The following HDGF variants were observed in gnomAD, a reference collection of about 807,000 sequenced individuals.
HDGF encodes hepatoma-derived growth factor.
HDGF carries 5 observed loss-of-function variants against 30.0 expected under a neutral mutation model. The observed-to-expected ratio is 0.17, with a 90% CI of 0.09 to 0.35. HDGF has a LOEUF of 0.35. Ranked by LOEUF, HDGF falls within the 10% of genes least tolerant of loss-of-function variation. The pLI is 1.00. For missense variants in HDGF, 214 were observed against 302.8 expected, an observed-to-expected ratio of 0.71 and a Z score of 2.18; for synonymous variants, 133 against 112.7, an observed-to-expected ratio of 1.18 and a Z score of -1.14.
intron 1 of HDGF, among the ~76,000 whole-genome samples, chr1:156,759,396 C>T (rs907330406): frequency 6.6e-6 from 1 of 152,130 alleles, no homozygotes; most frequent in African/African-American, 2.4e-5. Flanking sequence ...TTGTGACACA[C>T]CGTATACACT....
intron 1 of HDGF, among the ~76,000 whole-genome samples, chr1:156,763,686 A>G (rs1289649275): frequency 6.7e-6 from 1 of 149,316 alleles, no homozygotes. Context: ...CCCGCATTCA[A>G]GCAATTCTCC....
chr1:156,755,590 A>G (rs988532321), upstream of HDGF: 1 of 152,208 alleles, frequency 6.6e-6, no homozygotes, highest in Non-Finnish European at 1.5e-5. Context: ...TTAACTCCCA[A>G]CGGAGTCGAG....
chr1:156,766,038 G>A (rs1651366574), intron 1 of HDGF, among the ~76,000 whole-genome samples: 1 of 152,170 alleles, frequency 6.6e-6, no homozygotes, highest in Admixed American at 6.5e-5. Context: ...AATCTCTTAG[G>A]CTAGATTTCA....
intron 1 of HDGF, among the ~76,000 whole-genome samples, chr1:156,764,035 G>C (rs1256580517): frequency 1.3e-5 from 2 of 151,518 alleles, no homozygotes; most frequent in African/African-American, 2.4e-5. Context: ...AATGAGGTGG[G>C]ACTACAGGTG....
chr1:156,751,368 T>C lies in HDGF; in HGVS notation c.62A>G (p.Lys21Arg). The part of the protein sequence containing the change: ...KCGDLVFAKM[K>R]GYPHWPARID... Reference sequence around the variant, plus strand: ...CCGGGCCGGCCAGTGTGGGTAGCCCTTCATCTTGGCGAACACCAGGTCCCC... The same window carrying C: ...CCGGGCCGGCCAGTGTGGGTAGCCCCTCATCTTGGCGAACACCAGGTCCCC... The change falls in exon 1 of 6, where the codon AAG becomes AGG. Residue 21 changes from lysine (K) to arginine (R), a missense_variant. Lys to Arg is a conservative substitution (Grantham distance 26, BLOSUM62 2). This residue lies in a region of HDGF where 38 missense variants were observed against 91.1 expected (regional missense o/e 0.42). Transcript: ENST00000357325. The surrounding 1 kb of genome is among the most constrained non-coding windows in gnomAD (Gnocchi z 4.7). 1 of 1,609,054 alleles carries C rather than the reference T, an allele frequency of 6.2e-7. No homozygotes were observed. Among genetic ancestry groups the C allele is most frequent in the Non-Finnish European group, 8.5e-7 (1 of 1,177,386 alleles).
intron 2 of HDGF, 61 bp from the exon 3 acceptor site, chr1:156,745,207 G>A (rs555382398): frequency 1.8e-4 from 288 of 1,610,382 alleles, no homozygotes; most frequent in South Asian, 5.9e-4. Flanking sequence ...TGCACAGCCC[G>A]GCATGAAAGG....
At chr1:156,766,078 G>A (rs911195030) in intron 1 of HDGF, among the ~76,000 whole-genome samples, 3 of 152,186 alleles carry the variant, frequency 2.0e-5, no homozygotes, top group African/African-American at 7.2e-5. Flanking sequence ...AGCTTTCCTA[G>A]TGATGCTTAT....
chr1:156,753,654 G>A (rs1571558957), upstream of HDGF, among the ~76,000 whole-genome samples: 1 of 152,032 alleles, frequency 6.6e-6, no homozygotes, highest in Non-Finnish European at 1.5e-5. Context: ...GGGTTCAAGC[G>A]ATTCTCCTGC....
chr1:156,745,147 C>T lies in HDGF; in HGVS notation c.165-1G>A. 6.2e-7 allele frequency: 1 copy of T among 1,613,904 alleles called. No individual in the cohort carries two copies. The highest frequency in any genetic ancestry group is 1.7e-5 in the Admixed American group (1 of 60,002). Reference sequence around the variant, plus strand: ...GAGGTCTTTGGGGCCCAGGAATGCCCTGGTGAGAGATGGGAGACTGTGCTC... The same window carrying T: ...GAGGTCTTTGGGGCCCAGGAATGCCTTGGTGAGAGATGGGAGACTGTGCTC... On this transcript the variant is annotated splice_acceptor_variant, in intron 2 of 5. Transcript: ENST00000357325. LOFTEE classifies it high-confidence loss of function.
intron 2 of HDGF, among the ~76,000 whole-genome samples, chr1:156,758,011 G>C (rs1380766212): frequency 6.6e-6 from 1 of 151,760 alleles, no homozygotes; most frequent in Non-Finnish European, 1.5e-5. Context: ...AGAATGAAAA[G>C]ATATGGCTGG....
At position 156,743,963 on chromosome 1, in the gene HDGF, C is replaced by T. The variant is rs949082635; in HGVS notation, c.490-85G>A. ...ACTCCTCTCCTCCGGGGCTCCTTCC[C>T]AGGCTGACACCCACAGTCCTTCCCC... On this transcript the variant is annotated intron_variant, in intron 4 of 5. Transcript: ENST00000357325. 22 of 1,141,298 alleles carry T rather than the reference C, an allele frequency of 1.9e-5. No homozygotes were observed. In the African/African-American group the frequency reaches 2.6e-4, roughly 13 times the overall value. 70.7% of individuals were successfully genotyped at this position (1,141,298 alleles called of 1,614,324 possible).
chr1:156,754,811 T>C (rs571579117), upstream of HDGF, among the ~76,000 whole-genome samples: 34 of 151,994 alleles, frequency 2.2e-4, no homozygotes, highest in Non-Finnish European at 4.9e-4. Flanking sequence ...TAACTGGGTG[T>C]GTGGCAGGCG....
At position 156,751,572 on chromosome 1, in the gene HDGF, G is replaced by A. The variant is rs1650980512; in HGVS notation, c.-143C>T. On this transcript the variant is annotated 5_prime_UTR_variant, in exon 1 of 6. Coordinates refer to ENST00000357325, the MANE Select transcript of HDGF (RefSeq NM_004494.3). The surrounding 1 kb of genome is among the most constrained non-coding windows in gnomAD (Gnocchi z 4.7). ...GGTGGCCCCCGGCCCGAGCTCCGGC[G>A]CGGCCACGGCGTCTCCGCCCGCGCG... The A allele has an allele frequency of 1.0e-6, 1 of 985,578 alleles. No homozygotes were observed. The highest frequency in any genetic ancestry group is 1.8e-5 in the African/African-American group (1 of 56,820). 61.1% of individuals were successfully genotyped at this position (985,578 alleles called of 1,614,324 possible).
At chr1:156,743,998 A>G in intron 4 of HDGF, 120 bp from the exon 5 acceptor site, 1 of 1,042,204 alleles carries the variant, frequency 9.6e-7, no homozygotes, top group Non-Finnish European at 1.5e-6. Context: ...CAACCCTACT[A>G]GCTGAAATGC....
At position 156,763,297 on chromosome 1, in the gene HDGF, C is replaced by T. The variant is rs553304136; in HGVS notation, n.136+3493G>A. Among the ~76,000 whole-genome samples, 6 of 152,044 alleles carry T rather than the reference C, an allele frequency of 3.9e-5. No homozygotes were observed. In the South Asian group the frequency reaches 1.2e-3, roughly 32 times the overall value. On this transcript the variant is annotated intron_variant and non_coding_transcript_variant, in intron 1 of 7. Transcript: ENST00000465180. Reference sequence around the variant, plus strand: ...GCGCGATCTCAGCTCACTGCAACCTCTGCCTCCTGCATTCAAGTGATTCTC... The same window carrying T: ...GCGCGATCTCAGCTCACTGCAACCTTTGCCTCCTGCATTCAAGTGATTCTC...
chr1:156,751,447 CCCGGGCTCCGCG>C lies in HDGF; in HGVS notation c.-30_-19del, dbSNP rs768790999. ...CGCGACATGGCGGGGCTCCGGGCGC[CCCGGGCTCCGCG>C]CCGGGCCGGGAAGCGCGAGCCCAAG... On this transcript the variant is annotated 5_prime_UTR_variant, in exon 1 of 6. Transcript: ENST00000357325. The surrounding 1 kb of genome is among the most constrained non-coding windows in gnomAD (Gnocchi z 4.7). The C allele has an allele frequency of 1.4e-5, 21 of 1,535,572 alleles. No individual in the cohort carries two copies. Among genetic ancestry groups the C allele is most frequent in the Admixed American group, 7.5e-5 (4 of 53,082 alleles).
At chr1:156,746,596 T>C (rs563652928) in intron 1 of HDGF, among the ~76,000 whole-genome samples, 2 of 151,820 alleles carry the variant, frequency 1.3e-5, no homozygotes, top group African/African-American at 2.4e-5. Flanking sequence ...AGCGCTGTGG[T>C]GAAGGTGAGA....
At chr1:156,765,103 T>C in intron 1 of HDGF, among the ~76,000 whole-genome samples, 1 of 150,782 alleles carries the variant, frequency 6.6e-6, no homozygotes, top group East Asian at 1.9e-4. Context: ...CCCTTTTTTT[T>C]TTTTTTGAGA....
upstream of HDGF, among the ~76,000 whole-genome samples, chr1:156,752,866 T>C (rs75954255): frequency 0.1 from 15,178 of 152,190 alleles, 946 homozygotes; most frequent in African/African-American, 0.17. Context: ...GTAAAACATA[T>C]GCATGTTTTT....
Sources: allele counts gnomAD v4.1 joint callset (sites outside exome capture counted in the v4.1 genomes callset), GRCh38; gene constraint gnomAD v4.1.1; regional missense constraint gnomAD v4.1.1; non-coding constraint Gnocchi (gnomAD v3.1); transcripts MANE v1.5; gene names NCBI Gene and HGNC (gene_info 2026-07-23, HGNC 2026-07-21).